MTHFD2: variants seen among roughly 807,000 people sequenced by gnomAD.
MTHFD2 encodes the protein methylenetetrahydrofolate dehydrogenase (NADP+ dependent) 2, methenyltetrahydrofolate cyclohydrolase, also known as bifunctional methylenetetrahydrofolate dehydrogenase/cyclohydrolase, mitochondrial.
A neutral mutation model predicts 36.8 loss-of-function variants in MTHFD2; 26 were observed. The observed-to-expected ratio is 0.71, with a 90% CI of 0.52 to 0.98. The LOEUF is 0.98. MTHFD2 is among the 50% of genes least tolerant of loss of function. The pLI is 0.00. For missense variants in MTHFD2, 373 were observed against 434.0 expected, an observed-to-expected ratio of 0.86 and a Z score of 1.25; for synonymous variants, 164 against 155.2, an observed-to-expected ratio of 1.06 and a Z score of -0.42.
At position 74,217,337 on chromosome 2, in the gene MTHFD2, T is replaced by C. The variant is rs372139224; in HGVS notation, c.*3095T>C. 7.2e-5 allele frequency: 11 copies of C among 152,232 alleles called. No individual in the cohort carries two copies. The highest frequency in any genetic ancestry group is 1.3e-4 in the Non-Finnish European group (9 of 68,046). 9.4% of individuals were successfully genotyped at this position (152,232 alleles called of 1,614,324 possible). On this transcript the variant is annotated 3_prime_UTR_variant, in exon 8 of 8. Transcript: ENST00000394053. ...ATGGTTGGTGTTCATTAAATGTGGATTGAAGATAAAATGACTGATCTTAAG... is the reference window on the plus strand; with the variant it reads ...ATGGTTGGTGTTCATTAAATGTGGACTGAAGATAAAATGACTGATCTTAAG...
intron 7 of MTHFD2, 78 bp from the exon 8 acceptor site, chr2:74,214,001 C>T: frequency 1.4e-6 from 2 of 1,449,756 alleles, no homozygotes; most frequent in Admixed American, 2.3e-5. Flanking sequence ...TCCTTGCATG[C>T]TTGTTTAATA....
Position 74,211,824 on chromosome 2 carries a change from G to A in MTHFD2, c.847G>A (p.Val283Ile). 1.2e-6 allele frequency: 2 copies of A among 1,611,080 alleles called. No homozygotes were observed. Among genetic ancestry groups the A allele is most frequent in the South Asian group, 2.2e-5 (2 of 90,938 alleles). ...DVGINRVHDPVTAKPKLVGDV... is the reference protein window; with the variant it reads ...DVGINRVHDPITAKPKLVGDV... ...GGGAATAAATAGAGTTCACGATCCT[G>A]TAACTGCCAAACCCAAGTTGGTTGG... Residue 283 changes from valine (V) to isoleucine (I), a missense_variant, in exon 7 of 8, where the codon GTA becomes ATA. By Grantham distance (29) the Val-to-Ile change is conservative. This residue lies in a region of MTHFD2 where 308 missense variants were observed against 397.8 expected (regional missense o/e 0.77). Coordinates refer to ENST00000394053, the MANE Select transcript of MTHFD2 (RefSeq NM_006636.4).
intron 2 of MTHFD2, 183 bp downstream of exon 2, chr2:74,206,072 T>C: frequency 1.8e-6 from 1 of 564,952 alleles, no homozygotes; most frequent in Non-Finnish European, 3.1e-6. Context: ...GTTTATACAG[T>C]AGGACAGGAG....
intron 1 of MTHFD2, 71 bp downstream of exon 1, chr2:74,198,813 C>T: frequency 1.5e-6 from 2 of 1,360,102 alleles, no homozygotes; most frequent in Non-Finnish European, 2.0e-6. Context: ...ACGCCGGGCC[C>T]CCGAGGGACA....
At position 74,214,212 on chromosome 2, in the gene MTHFD2, G is replaced by T. The variant is rs1694378829; in HGVS notation, c.1023G>T (p.Lys341Asn). The change falls in exon 8 of 8, where the codon AAG becomes AAT. Residue 341 changes from lysine (K) to asparagine (N), a missense_variant. Physicochemically the swap from Lys to Asn is moderately conservative, Grantham distance 94. This residue lies in a region of MTHFD2 where 308 missense variants were observed against 397.8 expected (regional missense o/e 0.77). Coordinates refer to ENST00000394053, the MANE Select transcript of MTHFD2 (RefSeq NM_006636.4). ...VLRLEEREVLKSKELGVATN is the reference protein window; with the variant it reads ...VLRLEEREVLNSKELGVATN ...GGCTTGAAGAGCGAGAAGTGCTGAA[G>T]TCTAAAGAGCTTGGGGTAGCCACTA... 4.3e-6 allele frequency: 7 copies of T among 1,613,928 alleles called. No individual in the cohort carries two copies. Among genetic ancestry groups the T allele is most frequent in the Non-Finnish European group, 5.9e-6 (7 of 1,179,928 alleles).
At chr2:74,202,191 TTATA>T (rs1191336329) in intron 1 of MTHFD2, among the ~76,000 whole-genome samples, 4 of 152,252 alleles carry the variant, frequency 2.6e-5, no homozygotes, top group African/African-American at 9.6e-5. Flanking sequence ...GTGTATATAC[TTATA>T]TATATCTCCT....
intron 7 of MTHFD2, 91 bp downstream of exon 7, chr2:74,211,957 T>TTTC: frequency 2.5e-6 from 3 of 1,192,020 alleles, no homozygotes; most frequent in Non-Finnish European, 3.3e-6. Context: ...TTTTTTTTTT[T>TTTC]TTTTTTTTTG....
At chr2:74,207,922 C>T in intron 3 of MTHFD2, 96 bp downstream of exon 3, 2 of 1,255,320 alleles carry the variant, frequency 1.6e-6, no homozygotes, top group Non-Finnish European at 2.2e-6. Flanking sequence ...CTCCTCCTCC[C>T]TCTCCTTTCC....
intron 1 of MTHFD2, among the ~76,000 whole-genome samples, chr2:74,202,516 AT>A (rs111445397): frequency 2.4e-4 from 35 of 145,976 alleles, no homozygotes; most frequent in Admixed American, 3.4e-4. Flanking sequence ...CCCTATTTTA[AT>A]TTTTTTTTTT....
In MTHFD2 at chr2:74,217,535, A is replaced by G. The variant is rs1694484447; in HGVS notation, c.*3293A>G. On this transcript the variant is annotated 3_prime_UTR_variant, in exon 8 of 8. Transcript: ENST00000394053. ...CATGAATGGGAGTTTGACTTTGGGA[A>G]TAAACATTGAAAATTTGCAGGGAGG... 6.6e-6 allele frequency: 1 copy of G among 152,230 alleles called. No individual in the cohort carries two copies. The highest frequency in any genetic ancestry group is 2.4e-5 in the African/African-American group (1 of 41,468). 9.4% of individuals were successfully genotyped at this position (152,230 alleles called of 1,614,324 possible).
chr2:74,216,383 T>C lies in MTHFD2; in HGVS notation c.*2141T>C, dbSNP rs1694445102. 1 of 152,214 alleles carries C rather than the reference T, an allele frequency of 6.6e-6. No individual in the cohort carries two copies. The highest frequency in any genetic ancestry group is 2.4e-5 in the African/African-American group (1 of 41,456). The allele number at this position is 152,214 out of a possible 1,614,324, so 9.4% of individuals were successfully genotyped here. ...ATGTATATACAAAATATAAATGACA[T>C]GTAAGGTAAAATTACAGTGATCAAT... On this transcript the variant is annotated 3_prime_UTR_variant, in exon 8 of 8. Coordinates refer to ENST00000394053, the MANE Select transcript of MTHFD2 (RefSeq NM_006636.4).
intron 6 of MTHFD2, 88 bp from the exon 7 acceptor site, chr2:74,211,653 C>T: frequency 7.8e-7 from 1 of 1,288,996 alleles, no homozygotes; most frequent in Non-Finnish European, 1.1e-6. Context: ...ATTAGTTCTT[C>T]AGGGTCTCTT....
chr2:74,200,155 CTT>C (rs1694009674), intron 1 of MTHFD2, among the ~76,000 whole-genome samples: 2 of 152,192 alleles, frequency 1.3e-5, no homozygotes, highest in Non-Finnish European at 2.9e-5. Context: ...TGGTCTGACT[CTT>C]GACCTCCCCC....
intron 7 of MTHFD2, among the ~76,000 whole-genome samples, chr2:74,212,884 CTAG>C (rs1053790273): frequency 1.3e-5 from 2 of 150,498 alleles, no homozygotes; most frequent in African/African-American, 4.9e-5. Context: ...CTAGAATATA[CTAG>C]TAGATTTCTT....
intron 7 of MTHFD2, 126 bp from the exon 8 acceptor site, chr2:74,213,953 T>A (rs1694370048): frequency 1.0e-6 from 1 of 964,616 alleles, no homozygotes; most frequent in Non-Finnish European, 1.5e-6. Context: ...ATGATGTAGA[T>A]GTGATTTTTG....
chr2:74,211,353 ATCT>A, intron 6 of MTHFD2, 62 bp downstream of exon 6: 5 of 1,081,510 alleles, frequency 4.6e-6, no homozygotes, highest in Non-Finnish European at 6.9e-6. Context: ...TGTACCCCTC[ATCT>A]TAGAATTCGC....
intron 2 of MTHFD2, 32 bp downstream of exon 2, chr2:74,205,921 TC>T (rs1396016001): frequency 6.3e-7 from 1 of 1,597,260 alleles, no homozygotes. Context: ...CGACTGCGGT[TC>T]AGTTGAGGTT....
intron 7 of MTHFD2, among the ~76,000 whole-genome samples, chr2:74,212,618 T>A (rs1449764656): frequency 1.3e-5 from 2 of 152,150 alleles, no homozygotes; most frequent in African/African-American, 4.8e-5. Context: ...ATTATGGCTT[T>A]TCTAGAATTA....
At chr2:74,212,286 G>C (rs1440854903) in intron 7 of MTHFD2, among the ~76,000 whole-genome samples, 1 of 10,940 alleles carries the variant, frequency 9.1e-5, no homozygotes, top group African/African-American at 5.8e-4. Context: ...TTTTTTTTTT[G>C]AGACAGTCTC....
Sources: allele counts gnomAD v4.1 joint callset (sites outside exome capture counted in the v4.1 genomes callset), GRCh38; gene constraint gnomAD v4.1.1; regional missense constraint gnomAD v4.1.1; transcripts MANE v1.5; gene names NCBI Gene and HGNC (gene_info 2026-07-23, HGNC 2026-07-21).